The following GRID2 variants were observed in gnomAD, a reference collection of about 807,000 sequenced individuals.
GRID2 encodes the protein glutamate receptor ionotropic, delta-2.
In GRID2, 33 loss-of-function variants were observed where a neutral mutation model predicts 114.8. The ratio of observed to expected loss-of-function variants is 0.29; its 90% CI spans 0.22 to 0.38. The LOEUF (loss-of-function observed/expected upper bound fraction) is 0.38, where lower values mean the gene tolerates loss of function less well. GRID2 is among the 10% of genes least tolerant of loss of function. GRID2 has a pLI of 1.00. For missense variants in GRID2, 1,184 were observed against 1,257.7 expected, an observed-to-expected ratio of 0.94 and a Z score of 0.89; for synonymous variants, 505 against 449.9, an observed-to-expected ratio of 1.12 and a Z score of -1.55.
chr4:93,428,041 A>T (rs1769023374), intron 10 of GRID2, among the ~76,000 whole-genome samples: 1 of 152,076 alleles, frequency 6.6e-6, no homozygotes, highest in Admixed American at 6.5e-5. Context: ...TACCAAAAAA[A>T]TTAAAAACAA....
downstream of GRID2, among the ~76,000 whole-genome samples, chr4:93,777,745 C>G (rs139013819): frequency 2.2e-4 from 33 of 152,188 alleles, no homozygotes; most frequent in African/African-American, 7.7e-4. Context: ...ACATATGTCA[C>G]AAAAACAAAG....
intron 8 of GRID2, among the ~76,000 whole-genome samples, chr4:93,297,612 C>T (rs752270944): frequency 6.6e-6 from 1 of 152,042 alleles, no homozygotes; most frequent in East Asian, 1.9e-4. Flanking sequence ...TTTTATCTAT[C>T]TACTCATCTG....
intron 2 of GRID2, among the ~76,000 whole-genome samples, chr4:92,724,327 C>A (rs1422901097): frequency 6.6e-6 from 1 of 152,142 alleles, no homozygotes; most frequent in African/African-American, 2.4e-5. Flanking sequence ...TCCCCACTCA[C>A]CACCATAGTT....
At chr4:92,808,788 A>ATT (rs552632164) in intron 2 of GRID2, among the ~76,000 whole-genome samples, 44 of 144,988 alleles carry the variant, frequency 3.0e-4, no homozygotes, top group African/African-American at 1.0e-3. Context: ...AAGATCGTGA[A>ATT]TTTTTTTTTT....
intron 1 of GRID2, among the ~76,000 whole-genome samples, chr4:92,539,897 A>G (rs1012421944): frequency 2.0e-5 from 3 of 152,160 alleles, no homozygotes; most frequent in African/African-American, 7.2e-5. Context: ...TTCAAACTAT[A>G]CTACAAGGCT....
At chr4:93,117,191 A>G (rs920718227) in intron 4 of GRID2, among the ~76,000 whole-genome samples, 4 of 152,142 alleles carry the variant, frequency 2.6e-5, no homozygotes, top group Non-Finnish European at 5.9e-5. Flanking sequence ...TAGAAGATGG[A>G]TATGGTTATT....
intron 2 of GRID2, among the ~76,000 whole-genome samples, chr4:92,625,391 T>G (rs1730469703): frequency 2.0e-5 from 3 of 151,640 alleles, no homozygotes; most frequent in Non-Finnish European, 3.0e-5. Flanking sequence ...TCTGAGAAAA[T>G]ATGTGAGTCA....
At chr4:93,756,669 A>G (rs539664742) in intron 14 of GRID2, among the ~76,000 whole-genome samples, 8 of 152,182 alleles carry the variant, frequency 5.3e-5, no homozygotes, top group Non-Finnish European at 1.2e-4. Context: ...CAAAGGCCCC[A>G]TCTCAAAATA....
intron 2 of GRID2, among the ~76,000 whole-genome samples, chr4:92,765,615 G>A (rs1386337347): frequency 6.6e-6 from 1 of 152,108 alleles, no homozygotes; most frequent in African/African-American, 2.4e-5. Context: ...ACAAGAAACA[G>A]TGACCTGTGA....
At chr4:93,505,335 T>A (rs1479019585) in intron 12 of GRID2, among the ~76,000 whole-genome samples, 3 of 152,052 alleles carry the variant, frequency 2.0e-5, no homozygotes, top group Non-Finnish European at 4.4e-5. Context: ...TCTATTGCAT[T>A]ATTTGAAGAT....
chr4:93,398,312 G>A (rs1765552420), intron 9 of GRID2, among the ~76,000 whole-genome samples: 1 of 150,928 alleles, frequency 6.6e-6, no homozygotes, highest in Non-Finnish European at 1.5e-5. Flanking sequence ...TAACTGCTCT[G>A]GTAAGTATTA....
At chr4:92,543,968 ACAT>A (rs1274480438) in intron 1 of GRID2, among the ~76,000 whole-genome samples, 1 of 152,198 alleles carries the variant, frequency 6.6e-6, no homozygotes, top group Non-Finnish European at 1.5e-5. Flanking sequence ...GCACACAGTA[ACAT>A]CATGTTGGTA....
chr4:92,740,690 T>TGATAGATA (rs71579576), intron 2 of GRID2, among the ~76,000 whole-genome samples: 48 of 121,312 alleles, frequency 4.0e-4, no homozygotes, highest in Non-Finnish European at 4.5e-4. Context: ...GATAGATAGA[T>TGATAGATA]GATAGATAGA....
intron 1 of GRID2, among the ~76,000 whole-genome samples, chr4:92,584,680 A>G (rs1281973833): frequency 6.6e-6 from 1 of 151,946 alleles, no homozygotes; most frequent in African/African-American, 2.4e-5. Context: ...TCATTATAGT[A>G]CTATTTATTG....
intron 10 of GRID2, among the ~76,000 whole-genome samples, chr4:93,426,130 T>C (rs911069242): frequency 9.9e-5 from 15 of 152,102 alleles, no homozygotes; most frequent in Admixed American, 9.8e-4. Flanking sequence ...GTAGGGAAAA[T>C]AATAAAGCTA....
intron 4 of GRID2, among the ~76,000 whole-genome samples, chr4:93,119,629 T>G (rs1196682334): frequency 1.3e-5 from 2 of 152,178 alleles, no homozygotes; most frequent in Non-Finnish European, 2.9e-5. Flanking sequence ...TATCTTGTAT[T>G]CCTTAAACAT....
intron 14 of GRID2, among the ~76,000 whole-genome samples, chr4:93,746,460 C>T (rs1426019080): frequency 6.6e-6 from 1 of 151,302 alleles, no homozygotes; most frequent in Admixed American, 6.6e-5. Context: ...ATGGTCAATT[C>T]TTCCAACACA....
At chr4:93,348,374 A>G (rs113601412) in intron 8 of GRID2, among the ~76,000 whole-genome samples, 5 of 152,196 alleles carry the variant, frequency 3.3e-5, no homozygotes, top group African/African-American at 1.2e-4. Context: ...GTGAAACATC[A>G]GTTTATAAAG....
rs184870900 is a variant in GRID2 at position 93,531,753 on chromosome 4, A to G, written c.2193+16342A>G. Among the ~76,000 whole-genome samples, 315 of 152,252 alleles carry G rather than the reference A, an allele frequency of 2.1e-3. 1 individual carries two copies. Among genetic ancestry groups the G allele is most frequent in the African/African-American group, 7.1e-3 (296 of 41,566 alleles). On this transcript the variant is annotated intron_variant, in intron 13 of 15. Transcript: ENST00000282020. ...ACAGATGTACATTACTACAATATAT[A>G]TACATATTACAGATTGCATATTTTA...
Sources: allele counts gnomAD v4.1 joint callset (sites outside exome capture counted in the v4.1 genomes callset), GRCh38; gene constraint gnomAD v4.1.1; transcripts MANE v1.5; gene names NCBI Gene and HGNC (gene_info 2026-07-23, HGNC 2026-07-21).